PKP4: variants seen among roughly 807,000 people sequenced by gnomAD.
PKP4 encodes plakophilin 4.
In PKP4, 90 loss-of-function variants were observed where a neutral mutation model predicts 145.1. The ratio of observed to expected loss-of-function variants is 0.62; its 90% CI spans 0.52 to 0.74. The LOEUF (loss-of-function observed/expected upper bound fraction) is 0.74, where lower values mean the gene tolerates loss of function less well. Among genes scored for constraint, PKP4 ranks in the 30% least tolerant of loss-of-function variants. PKP4 has a pLI of 0.00. For missense variants in PKP4, 1,340 were observed against 1,482.7 expected, an observed-to-expected ratio of 0.90 and a Z score of 1.58; for synonymous variants, 563 against 577.2, an observed-to-expected ratio of 0.98 and a Z score of 0.35.
intron 1 of PKP4, among the ~76,000 whole-genome samples, chr2:158,460,071 A>G (rs1125661): frequency 0.7 from 106,455 of 152,028 alleles, 37,745 homozygotes; most frequent in East Asian, 0.89. Context: ...AAGTTGGGAA[A>G]GCTAAATATC....
chr2:158,681,015 A>G lies in PKP4; in HGVS notation c.*338A>G, dbSNP rs1472681449. The G allele has an allele frequency of 9.3e-6, 2 of 214,066 alleles. No individual in the cohort carries two copies. The highest frequency in any genetic ancestry group is 2.3e-5 in the African/African-American group (1 of 43,388). The allele number at this position is 214,066 out of a possible 1,614,324, so 13.3% of individuals were successfully genotyped here. On this transcript the variant is annotated 3_prime_UTR_variant, in exon 22 of 22. Coordinates refer to ENST00000389759, the MANE Select transcript of PKP4 (RefSeq NM_003628.6). ...TAAAGATGATTTTTTTAATGTGAATAAAGTTATGTTCTGATAGTTTGTACA... is the reference window on the plus strand; with the variant it reads ...TAAAGATGATTTTTTTAATGTGAATGAAGTTATGTTCTGATAGTTTGTACA...
At chr2:158,464,709 AG>A (rs1200041128) in intron 1 of PKP4, among the ~76,000 whole-genome samples, 1 of 152,260 alleles carries the variant, frequency 6.6e-6, no homozygotes, top group African/African-American at 2.4e-5. Flanking sequence ...CATGTAAAAT[AG>A]AAACCATTAT....
At chr2:158,593,152 AG>A (rs2049417610) in intron 3 of PKP4, among the ~76,000 whole-genome samples, 1 of 152,166 alleles carries the variant, frequency 6.6e-6, no homozygotes. Context: ...AATAGAAATG[AG>A]GAAGGCAACA....
chr2:158,457,481 C>G (rs1160962212), intron 1 of PKP4: 6 of 152,480 alleles, frequency 3.9e-5, no homozygotes, highest in Admixed American at 6.5e-5. Flanking sequence ...TTCCTCTCCC[C>G]GGTCTCCCGT....
chr2:158,592,041 T>C (rs2049314109), intron 3 of PKP4, among the ~76,000 whole-genome samples: 1 of 152,134 alleles, frequency 6.6e-6, no homozygotes, highest in African/African-American at 2.4e-5. Context: ...TCAGTGTTTA[T>C]GGATCACACA....
chr2:158,529,802 G>T (rs2043353403), intron 1 of PKP4, among the ~76,000 whole-genome samples: 1 of 152,110 alleles, frequency 6.6e-6, no homozygotes, highest in South Asian at 2.1e-4. Flanking sequence ...CTCATTAGAG[G>T]CAGCTCATTA....
intron 3 of PKP4, among the ~76,000 whole-genome samples, chr2:158,592,692 C>T (rs998704444): frequency 2.0e-5 from 3 of 151,936 alleles, no homozygotes; most frequent in African/African-American, 7.3e-5. Flanking sequence ...TTAATAGTAC[C>T]TTTACATGAG....
chr2:158,656,071 T>A (rs981559434), intron 11 of PKP4, among the ~76,000 whole-genome samples: 2 of 152,182 alleles, frequency 1.3e-5, no homozygotes, highest in Non-Finnish European at 2.9e-5. Context: ...TCTTTTAGAT[T>A]TGAAACAGAA....
At chr2:158,522,566 A>G (rs558071937) in intron 1 of PKP4, among the ~76,000 whole-genome samples, 3 of 152,348 alleles carry the variant, frequency 2.0e-5, no homozygotes, top group African/African-American at 7.2e-5. Flanking sequence ...ATGTTTTAGA[A>G]GCCTCAAAAG....
At chr2:158,494,580 G>A (rs1695410052) in intron 1 of PKP4, among the ~76,000 whole-genome samples, 1 of 152,134 alleles carries the variant, frequency 6.6e-6, no homozygotes, top group Admixed American at 6.5e-5. Flanking sequence ...TCATTATTCA[G>A]TTATTTAGGT....
At chr2:158,550,073 G>GGCTCT (rs2045459864) in intron 2 of PKP4, among the ~76,000 whole-genome samples, 1 of 102,468 alleles carries the variant, frequency 9.8e-6, no homozygotes, top group Non-Finnish European at 2.8e-5. Context: ...CTCCATCTAT[G>GGCTCT]GCTCTGCTCT....
intron 8 of PKP4, among the ~76,000 whole-genome samples, 160 bp from the exon 9 acceptor site, chr2:158,633,910 C>G (rs2053602685): frequency 6.6e-6 from 1 of 151,964 alleles, no homozygotes; most frequent in African/African-American, 2.4e-5. Context: ...ACTTAAGTAC[C>G]CTTTTTAGCA....
chr2:158,595,017 T>G (rs2049602141), intron 3 of PKP4, among the ~76,000 whole-genome samples: 1 of 152,196 alleles, frequency 6.6e-6, no homozygotes, highest in African/African-American at 2.4e-5. Flanking sequence ...CTATCCAAAC[T>G]TGTTTTGGGA....
At chr2:158,547,378 C>T (rs2045165394) in intron 2 of PKP4, among the ~76,000 whole-genome samples, 2 of 152,122 alleles carry the variant, frequency 1.3e-5, no homozygotes, top group South Asian at 4.1e-4. Flanking sequence ...TCTCAAAAAT[C>T]TGCTGAGTGA....
At chr2:158,465,039 T>C (rs1369557562) in intron 1 of PKP4, among the ~76,000 whole-genome samples, 1 of 152,252 alleles carries the variant, frequency 6.6e-6, no homozygotes, top group Non-Finnish European at 1.5e-5. Flanking sequence ...AAAAGATGAC[T>C]TCCTCCAGGG....
intron 11 of PKP4, among the ~76,000 whole-genome samples, chr2:158,648,054 T>C (rs2105945513): frequency 6.6e-6 from 1 of 152,360 alleles, no homozygotes. Flanking sequence ...GCCTGCTTTT[T>C]AATGTACGTA....
intron 3 of PKP4, chr2:158,588,103 C>T (rs972410428): frequency 6.6e-6 from 1 of 152,020 alleles, no homozygotes; most frequent in African/African-American, 2.4e-5. Context: ...TGAAGTTTTA[C>T]AATATTGTAA....
At chr2:158,630,889 GA>G (rs1446265902) in intron 7 of PKP4, among the ~76,000 whole-genome samples, 1 of 152,154 alleles carries the variant, frequency 6.6e-6, no homozygotes, top group Non-Finnish European at 1.5e-5. Context: ...ATTTTTCTTA[GA>G]AAACCTACTT....
chr2:158,562,137 T>A (rs187344854), intron 2 of PKP4, among the ~76,000 whole-genome samples: 1 of 152,172 alleles, frequency 6.6e-6, no homozygotes, highest in African/African-American at 2.4e-5. Context: ...AATAGAAATA[T>A]GAATTTTAAG....
Sources: gnomAD v4.1 joint callset for allele counts (sites outside exome capture counted in the v4.1 genomes callset) on GRCh38, gnomAD v4.1.1 for gene constraint, MANE v1.5 for transcripts, NCBI Gene and HGNC (gene_info 2026-07-23, HGNC 2026-07-21) for gene names.